TCAF1: variants seen among roughly 807,000 people sequenced by gnomAD.
TCAF1 encodes TRPM8 channel associated factor 1.
TCAF1 carries 4 observed loss-of-function variants against 27.3 expected under a neutral mutation model. That is an observed-to-expected ratio of 0.15 (90% CI 0.07 to 0.34). The LOEUF (loss-of-function observed/expected upper bound fraction) is 0.34, where lower values mean the gene tolerates loss of function less well. Among genes scored for constraint, TCAF1 ranks in the 10% least tolerant of loss-of-function variants. The pLI is 1.00. For synonymous variants in TCAF1, 105 were observed against 167.1 expected (o/e 0.63, Z 2.87); for missense variants, 257 against 425.8 (o/e 0.60, Z 3.49).
chr7:143,880,146 C>G (rs2116798876), intron 1 of TCAF1, among the ~76,000 whole-genome samples: 1 of 152,316 alleles, frequency 6.6e-6, no homozygotes, highest in Admixed American at 6.5e-5. Context: ...AGTAACAACA[C>G]AATGCTTACC....
Position 143,876,195 on chromosome 7 carries a change from C to T in TCAF1, c.414G>A (p.Leu138=). 1.2e-6 allele frequency: 2 copies of T among 1,614,210 alleles called. No homozygotes were observed. The highest frequency in any genetic ancestry group is 1.7e-6 in the Non-Finnish European group (2 of 1,180,034). ...CGCCACCACATTTCATGAACTTGAC[C>T]AGCTTTTCTGTCATGGTTTCATTGT... is the stretch of plus-strand genomic sequence containing the variant. The part of the protein sequence containing the change: ...DAYNETMTEK[L]VKFMKCGGGL... The change falls in exon 2 of 9, where the codon CTG becomes CTA. Residue 138 remains leucine (L), a synonymous_variant. Transcript: ENST00000479870.
At chr7:143,859,992 ATATTATATAAT>A (rs1811884201) in intron 6 of TCAF1, among the ~76,000 whole-genome samples, 17 of 30,148 alleles carry the variant, frequency 5.6e-4, no homozygotes, top group African/African-American at 1.3e-3. Flanking sequence ...TATATAATAT[ATATTATATAAT>A]ATATATATAA....
rs1361080993 is a variant in TCAF1, at chr7:143,852,359, AG to A, written c.*1773del. On this transcript the variant is annotated 3_prime_UTR_variant, in exon 9 of 9. Transcript: ENST00000479870. Reference sequence around the variant, plus strand: ...GCTGGATAGCTGTCACTCTAGGGTGAGATACCCTTTTGGCTGTCACTCTAGA... The same window carrying A: ...GCTGGATAGCTGTCACTCTAGGGTGAATACCCTTTTGGCTGTCACTCTAGA... 2 of 152,800 alleles carry A rather than the reference AG, an allele frequency of 1.3e-5. No individual in the cohort carries two copies. The highest frequency in any genetic ancestry group is 4.8e-5 in the African/African-American group (2 of 41,322). The allele number at this position is 152,800 out of a possible 1,614,324, so 9.5% of individuals were successfully genotyped here. A position where few individuals can be genotyped will look rare whatever the true frequency, so the allele number is the denominator to read the frequency against.
In TCAF1 at chr7:143,898,590, T is replaced by C. The variant is rs752459657; in HGVS notation, c.-15+3371A>G. Among the ~76,000 whole-genome samples the C allele has an allele frequency of 2.0e-5, 3 of 152,066 alleles. No homozygotes were observed. The East Asian group carries it at 5.8e-4, about 29-fold the overall frequency. ...CTTTTACAAAAGAAAATGCTTACAA[T>C]AGCAGTAAAAATATGACGTGCCTAG... is the stretch of plus-strand genomic sequence containing the variant. On this transcript the variant is annotated intron_variant, in intron 1 of 8. Transcript: ENST00000479870.
rs1811371731 is a variant in TCAF1 at position 143,852,684 on chromosome 7, C to A, written c.*1449G>T. 6.6e-6 allele frequency: 1 copy of A among 152,148 alleles called. No homozygotes were observed. Among genetic ancestry groups the A allele is most frequent in the South Asian group, 2.1e-4 (1 of 4,828 alleles). 9.4% of individuals were successfully genotyped at this position (152,148 alleles called of 1,614,324 possible). On this transcript the variant is annotated 3_prime_UTR_variant, in exon 9 of 9. Coordinates refer to ENST00000479870, the MANE Select transcript of TCAF1 (RefSeq NM_014719.3). ...AATCTGTTAGCAGTCTATTTCTCAT[C>A]CATTTTTGTGTTGAGCTAATCGTGA... is the stretch of plus-strand genomic sequence containing the variant.
At position 143,854,095 on chromosome 7, in the gene TCAF1, GA is replaced by G; in HGVS notation, c.*37del. 3.2e-6 allele frequency: 1 copy of G among 313,452 alleles called. No homozygotes were observed. Among genetic ancestry groups the G allele is most frequent in the Non-Finnish European group, 5.4e-6 (1 of 186,014 alleles). The allele number at this position is 313,452 out of a possible 1,614,324, so 19.4% of individuals were successfully genotyped here. On this transcript the variant is annotated 3_prime_UTR_variant, in exon 9 of 9. Transcript: ENST00000479870. ...AAATCCCTTCAGTTTTCTTTGCTGA[GA>G]TGTGTCAGTTCCTTTTTGCATTTCT...
At position 143,901,966 on chromosome 7, in the gene TCAF1, G is replaced by T. The variant is rs1282954958; in HGVS notation, c.-20C>A. ...TCCCCGCCCCGGACACTAACCCGGGGCCCAGGCCTCGGTCACCGCGGGCCT... is the reference window on the plus strand; with the variant it reads ...TCCCCGCCCCGGACACTAACCCGGGTCCCAGGCCTCGGTCACCGCGGGCCT... On this transcript the variant is annotated 5_prime_UTR_variant, in exon 1 of 9. Transcript: ENST00000479870. The T allele has an allele frequency of 6.6e-6, 1 of 152,254 alleles. No homozygotes were observed. Among genetic ancestry groups the T allele is most frequent in the Non-Finnish European group, 1.5e-5 (1 of 68,126 alleles). 9.4% of individuals were successfully genotyped at this position (152,254 alleles called of 1,614,324 possible). A position where few individuals can be genotyped will look rare whatever the true frequency, so the allele number is the denominator to read the frequency against.
rs551081401 is a variant in TCAF1, at chr7:143,901,938, C to T, written c.-15+23G>A. On this transcript the variant is annotated intron_variant, in intron 1 of 8. Transcript: ENST00000479870. ...ACGCTAAACGTCGCACCCCGCCCAC[C>T]GCTCCCCGCCCCGGACACTAACCCG... 57 of 152,384 alleles carry T rather than the reference C, an allele frequency of 3.7e-4. 1 individual carries two copies. Among genetic ancestry groups the T allele is most frequent in the African/African-American group, 1.2e-3 (51 of 41,552 alleles). 9.4% of individuals were successfully genotyped at this position (152,384 alleles called of 1,614,324 possible). A position where few individuals can be genotyped will look rare whatever the true frequency, so the allele number is the denominator to read the frequency against.
At chr7:143,896,212 G>T (rs1813865288) in intron 1 of TCAF1, among the ~76,000 whole-genome samples, 1 of 151,670 alleles carries the variant, frequency 6.6e-6, no homozygotes, top group Admixed American at 6.6e-5. Flanking sequence ...AAGAAACCTT[G>T]ATTTGATCTT....
At chr7:143,899,147 A>G (rs1281325604) in intron 1 of TCAF1, among the ~76,000 whole-genome samples, 1 of 152,190 alleles carries the variant, frequency 6.6e-6, no homozygotes, top group Non-Finnish European at 1.5e-5. Context: ...ATCCATTATC[A>G]ATCAGAATTC....
intron 1 of TCAF1, chr7:143,882,629 CCCCGCCCCGGCCT>C (rs1192599722): frequency 3.0e-6 from 3 of 985,310 alleles, no homozygotes; most frequent in South Asian, 4.7e-5. Flanking sequence ...CGCCCCGCAC[CCCCGCCCCGGCCT>C]CCCGCCCTGC....
chr7:143,881,878 T>C (rs1428566543), intron 1 of TCAF1: 1 of 152,216 alleles, frequency 6.6e-6, no homozygotes, highest in African/African-American at 2.4e-5. Flanking sequence ...GATGACATAA[T>C]TGAGGAGCAC....
intron 1 of TCAF1, chr7:143,885,455 G>A: frequency 2.0e-6 from 2 of 985,310 alleles, no homozygotes; most frequent in East Asian, 1.1e-4. Context: ...CAGAGGCCCG[G>A]CTTTGTGTCA....
At chr7:143,881,555 GT>G (rs1319082647) in intron 1 of TCAF1, among the ~76,000 whole-genome samples, 4 of 152,002 alleles carry the variant, frequency 2.6e-5, no homozygotes, top group Non-Finnish European at 4.4e-5. Context: ...TCATACACCT[GT>G]AAGAATATGG....
chr7:143,898,837 G>A (rs775913937), intron 1 of TCAF1, among the ~76,000 whole-genome samples: 21 of 152,176 alleles, frequency 1.4e-4, no homozygotes, highest in Admixed American at 2.6e-4. Context: ...TAAGAGGTGG[G>A]CTTAATGAGA....
At chr7:143,901,194 G>A (rs1271628822) in intron 1 of TCAF1, among the ~76,000 whole-genome samples, 2 of 152,172 alleles carry the variant, frequency 1.3e-5, no homozygotes, top group Non-Finnish European at 2.9e-5. Context: ...TTAAAACAAA[G>A]TATTGAAACC....
chr7:143,900,470 G>A (rs1333926462), intron 1 of TCAF1, among the ~76,000 whole-genome samples: 7 of 152,088 alleles, frequency 4.6e-5, no homozygotes, highest in Admixed American at 1.3e-4. Context: ...GGGTCAGTGA[G>A]GCCAATCGGC....
At chr7:143,870,619 C>G (rs1305227147) in intron 2 of TCAF1, among the ~76,000 whole-genome samples, 1 of 152,216 alleles carries the variant, frequency 6.6e-6, no homozygotes, top group African/African-American at 2.4e-5. Context: ...TTTTATAGCA[C>G]AGCAGATGGT....
intron 2 of TCAF1, among the ~76,000 whole-genome samples, chr7:143,867,539 T>TGC (rs1812237373): frequency 6.6e-6 from 1 of 151,326 alleles, no homozygotes; most frequent in Non-Finnish European, 1.5e-5. Context: ...TTGTCAGATA[T>TGC]AAGTATTGCA....
Sources: gnomAD v4.1 joint callset for allele counts (sites outside exome capture counted in the v4.1 genomes callset) on GRCh38, gnomAD v4.1.1 for gene constraint, MANE v1.5 for transcripts, NCBI Gene and HGNC (gene_info 2026-07-23, HGNC 2026-07-21) for gene names.